Variants in OVCH1 observed in about 807,000 individuals in gnomAD.
OVCH1 encodes the protein ovochymase-1.
A neutral mutation model predicts 138.4 loss-of-function variants in OVCH1; 139 were observed. The observed-to-expected ratio is 1.00, with a 90% CI of 0.87 to 1.16. The LOEUF is 1.16. Ranked by LOEUF, OVCH1 falls within the 50% of genes most tolerant of loss-of-function variation. OVCH1 has a pLI of 0.00. For synonymous variants in OVCH1, 453 were observed against 467.8 expected (o/e 0.97, Z 0.41); for missense variants, 1,367 against 1,357.9 (o/e 1.01, Z -0.11).
At chr12:29,439,374 A>G in exon 26 of OVCH1, 1 of 1,574,800 alleles carries the variant, frequency 6.4e-7, no homozygotes. Context: ...AATAAAATTC[A>G]GTTTTTCTCT....
chr12:29,411,268 G>C (rs574865101), downstream of OVCH1, among the ~76,000 whole-genome samples: 2 of 140,794 alleles, frequency 1.4e-5, no homozygotes, highest in Non-Finnish European at 3.2e-5. Context: ...CCTGTAGCTC[G>C]TAGTTTGAGC....
exon 14 of OVCH1, chr12:29,475,093 C>G (rs780718298): frequency 1.9e-6 from 3 of 1,581,600 alleles, no homozygotes; most frequent in East Asian, 2.3e-5. Flanking sequence ...GGCCTTGAAG[C>G]CTTGTAAACG....
intron 24 of OVCH1, 133 bp downstream of exon 24, chr12:29,444,012 G>A: frequency 1.1e-6 from 1 of 950,802 alleles, no homozygotes; most frequent in South Asian, 2.3e-5. Flanking sequence ...CCATAGATTA[G>A]GGGTTACCTA....
Position 29,497,217 on chromosome 12 carries a change from G to A in OVCH1, c.64+406C>T, listed in dbSNP as rs866770701. ...CCTGGAGTTTGAGGGAGCCGTGATC[G>A]CATCACTGCAGTCCAGCCTGGGTGA... On this transcript the variant is annotated intron_variant, in intron 1 of 27. Transcript: ENST00000318184. Among the ~76,000 whole-genome samples, 5 of 152,204 alleles carry A rather than the reference G, an allele frequency of 3.3e-5. No individual in the cohort carries two copies. In the South Asian group the frequency reaches 8.3e-4, roughly 25 times the overall value.
intron 11 of OVCH1, 40 bp from the exon 12 acceptor site, chr12:29,477,272 G>A (rs769424321): frequency 6.2e-7 from 1 of 1,612,972 alleles, no homozygotes. Context: ...AATGGCCAAA[G>A]ACATTTTCTC....
At chr12:29,489,593 C>T (rs1271299541) in intron 6 of OVCH1, 27 bp downstream of exon 6, 4 of 1,582,830 alleles carry the variant, frequency 2.5e-6, no homozygotes, top group Non-Finnish European at 3.4e-6. Context: ...TGTTACTGAA[C>T]AGCTAGGCTG....
intron 8 of OVCH1, among the ~76,000 whole-genome samples, 93 bp from the exon 9 acceptor site, chr12:29,484,893 T>C (rs1168450592): frequency 2.0e-5 from 3 of 152,338 alleles, no homozygotes; most frequent in African/African-American, 2.4e-5. Flanking sequence ...GTACGATTTA[T>C]ATTAGTCATT....
intron 1 of OVCH1, 112 bp downstream of exon 1, chr12:29,497,511 C>G: frequency 1.6e-6 from 2 of 1,246,738 alleles, no homozygotes; most frequent in Non-Finnish European, 2.2e-6. Context: ...TCCCAAATGC[C>G]TCAGGTGTGG....
At chr12:29,445,732 A>G (rs1052350243) in intron 22 of OVCH1, among the ~76,000 whole-genome samples, 2 of 152,130 alleles carry the variant, frequency 1.3e-5, no homozygotes, top group African/African-American at 4.8e-5. Flanking sequence ...TAACCTACTT[A>G]TTAAAAATAC....
At chr12:29,455,530 G>T in intron 19 of OVCH1, 125 bp from the exon 20 acceptor site, 1 of 1,125,522 alleles carries the variant, frequency 8.9e-7, no homozygotes, top group South Asian at 2.4e-5. Context: ...GATTTGTTTT[G>T]TCAATTTCCA....
rs147028734 is a variant in OVCH1 at position 29,492,865 on chromosome 12, T to C, written c.455-1673A>G. Among the ~76,000 whole-genome samples the C allele has an allele frequency of 1.8e-3, 269 of 152,144 alleles. 1 individual carries two copies. Among genetic ancestry groups the C allele is most frequent in the Middle Eastern group, 6.8e-3 (2 of 294 alleles). On this transcript the variant is annotated intron_variant, in intron 4 of 27. Transcript: ENST00000318184. The stretch of plus-strand genomic sequence containing the variant: ...CATAGAAGACTAAGAAAGGGTACAA[T>C]AGGGTAGGAGAATAACTAATGGATT...
At position 29,497,611 on chromosome 12, in the gene OVCH1, CCCTAGGCTCA is replaced by C; in HGVS notation, c.64+2_64+11del. ...TCCTCCGCAGTCCTGGTGCCCAGGT[CCCTAGGCTCA>C]CCTAGGCTTCTGGGGTGGCCGATGA... On this transcript the variant is annotated splice_donor_variant and splice_donor_5th_base_variant and intron_variant, in intron 1 of 27. Transcript: ENST00000318184. LOFTEE classifies it high-confidence loss of function. 1 of 1,613,558 alleles carries C rather than the reference CCCTAGGCTCA, an allele frequency of 6.2e-7. No individual in the cohort carries two copies. The highest frequency in any genetic ancestry group is 8.5e-7 in the Non-Finnish European group (1 of 1,179,666).
chr12:29,441,112 T>C (rs1941473723), intron 25 of OVCH1, among the ~76,000 whole-genome samples: 1 of 152,128 alleles, frequency 6.6e-6, no homozygotes, highest in Admixed American at 6.5e-5. Context: ...TGTCCAGAAA[T>C]GTTGGTTGAC....
chr12:29,422,394 CT>C (rs2135887415), intron 3 of OVCH1, among the ~76,000 whole-genome samples: 1 of 152,298 alleles, frequency 6.6e-6, no homozygotes, highest in African/African-American at 2.4e-5. Flanking sequence ...ATTCATTCCC[CT>C]GTCTTAAAAA....
At chr12:29,402,798 A>G in the OVCH1 span, among the ~76,000 whole-genome samples, 2 of 152,122 alleles carry the variant, frequency 1.3e-5, no homozygotes, top group East Asian at 1.9e-4. Flanking sequence ...GGGAGGGGGA[A>G]TGTAAAAGGG....
At chr12:29,476,321 C>T (rs534835400) in intron 12 of OVCH1, 22 bp from the exon 13 acceptor site, 2 of 1,570,316 alleles carry the variant, frequency 1.3e-6, no homozygotes, top group South Asian at 2.2e-5. Flanking sequence ...GAAACATAAC[C>T]AGGGAAATGG....
chr12:29,489,604 G>A lies in OVCH1; in HGVS notation c.702+16C>T. Reference sequence around the variant, plus strand: ...CACATGTTACTGAACAGCTAGGCTGGTTTACACTTTTGTACCTGGCAGGCG... The same window carrying A: ...CACATGTTACTGAACAGCTAGGCTGATTTACACTTTTGTACCTGGCAGGCG... On this transcript the variant is annotated intron_variant, in intron 6 of 27. Transcript: ENST00000318184. 6.3e-7 allele frequency: 1 copy of A among 1,596,236 alleles called. No homozygotes were observed. The highest frequency in any genetic ancestry group is 2.3e-5 in the East Asian group (1 of 44,280).
At chr12:29,440,867 G>A in intron 25 of OVCH1, 123 bp from the exon 26 acceptor site, 1 of 416,532 alleles carries the variant, frequency 2.4e-6, no homozygotes, top group South Asian at 1.8e-5. Flanking sequence ...GACCCTACCT[G>A]CATGGAGAGT....
chr12:29,451,169 A>C (rs1009310652), intron 22 of OVCH1, among the ~76,000 whole-genome samples, 176 bp downstream of exon 22: 4 of 151,598 alleles, frequency 2.6e-5, no homozygotes, highest in Non-Finnish European at 4.4e-5. Context: ...GTATAATCAT[A>C]ATAATAATAA....
Sources: gnomAD v4.1 joint callset for allele counts (sites outside exome capture counted in the v4.1 genomes callset) on GRCh38, gnomAD v4.1.1 for gene constraint, MANE v1.5 for transcripts, NCBI Gene and HGNC (gene_info 2026-07-23, HGNC 2026-07-21) for gene names.